CCDC85A: variants seen among roughly 807,000 people sequenced by gnomAD.
CCDC85A encodes the protein coiled-coil domain containing 85A, also known as coiled-coil domain-containing protein 85A.
Under a neutral mutation model 50.2 loss-of-function variants are expected in CCDC85A, and 38 were observed. That is an observed-to-expected ratio of 0.76 (90% CI 0.58 to 0.99). The LOEUF is 0.99. Among genes scored for constraint, CCDC85A ranks in the 50% least tolerant of loss-of-function variants. The pLI is 0.00. For synonymous variants in CCDC85A, 366 were observed against 301.4 expected, an observed-to-expected ratio of 1.21 and a Z score of -2.22; for missense variants, 820 against 742.0, an observed-to-expected ratio of 1.11 and a Z score of -1.22.
upstream of CCDC85A, chr2:56,183,974 C>T: frequency 1.0e-6 from 1 of 985,740 alleles, no homozygotes; most frequent in South Asian, 4.7e-5. Context: ...TCCAGCCGGT[C>T]CCCCACCCTC....
intron 2 of CCDC85A, among the ~76,000 whole-genome samples, chr2:56,324,276 T>G (rs28741029): frequency 0.17 from 26,045 of 151,888 alleles, 2,454 homozygotes; most frequent in Admixed American, 0.24. Flanking sequence ...TTTATGGACA[T>G]TTCTGTTAGC....
intron 2 of CCDC85A, among the ~76,000 whole-genome samples, chr2:56,328,834 A>G (rs989611952): frequency 9.9e-5 from 15 of 152,052 alleles, no homozygotes; most frequent in Non-Finnish European, 1.9e-4. Context: ...CACAACCCAC[A>G]GTCATCTCTC....
At chr2:56,377,929 A>C (rs1573374087) in intron 5 of CCDC85A, among the ~76,000 whole-genome samples, 1 of 151,586 alleles carries the variant, frequency 6.6e-6, no homozygotes, top group East Asian at 1.9e-4. Context: ...AGAGAGGGAG[A>C]TTTTATGTTA....
intron 2 of CCDC85A, among the ~76,000 whole-genome samples, chr2:56,269,661 C>T (rs1045381725): frequency 7.9e-5 from 12 of 152,186 alleles, no homozygotes; most frequent in African/African-American, 2.9e-4. Context: ...TGTCGTAAGT[C>T]AAGCATATGC....
intron 2 of CCDC85A, among the ~76,000 whole-genome samples, chr2:56,309,990 G>A (rs1672616096): frequency 6.6e-6 from 1 of 152,062 alleles, no homozygotes; most frequent in South Asian, 2.1e-4. Flanking sequence ...ATTTGCACAA[G>A]GCCCTGGAGG....
At chr2:56,226,506 T>C (rs2103922799) in intron 2 of CCDC85A, among the ~76,000 whole-genome samples, 1 of 152,202 alleles carries the variant, frequency 6.6e-6, no homozygotes, top group South Asian at 2.1e-4. Context: ...AGCAACTATG[T>C]CATATTTTTT....
At chr2:56,342,680 A>T (rs939491675) in intron 2 of CCDC85A, among the ~76,000 whole-genome samples, 199 bp from the exon 3 acceptor site, 1 of 152,078 alleles carries the variant, frequency 6.6e-6, no homozygotes, top group East Asian at 1.9e-4. Context: ...ATATTTCTTA[A>T]CGTTGTAAAA....
At chr2:56,262,148 G>A (rs1375211779) in intron 2 of CCDC85A, among the ~76,000 whole-genome samples, 1 of 152,058 alleles carries the variant, frequency 6.6e-6, no homozygotes, top group Non-Finnish European at 1.5e-5. Flanking sequence ...AGAGGTCAGT[G>A]GGAAGATTCA....
At chr2:56,311,598 C>T (rs893709980) in intron 2 of CCDC85A, among the ~76,000 whole-genome samples, 1 of 151,992 alleles carries the variant, frequency 6.6e-6, no homozygotes, top group Non-Finnish European at 1.5e-5. Context: ...AGGTATATCT[C>T]CTAATGCTAT....
intron 2 of CCDC85A, among the ~76,000 whole-genome samples, chr2:56,310,470 G>T (rs1421289538): frequency 6.6e-6 from 1 of 152,084 alleles, no homozygotes; most frequent in Non-Finnish European, 1.5e-5. Flanking sequence ...ATTCTTTTTA[G>T]ACAAAATGGC....
chr2:56,380,364 C>T (rs72803079), intron 5 of CCDC85A, among the ~76,000 whole-genome samples: 13,078 of 151,954 alleles, frequency 0.086, 765 homozygotes, highest in Non-Finnish European at 0.13. Flanking sequence ...GACCCAAACT[C>T]AGAATATAGT....
At chr2:56,332,857 C>G (rs905222478) in intron 2 of CCDC85A, among the ~76,000 whole-genome samples, 3 of 152,160 alleles carry the variant, frequency 2.0e-5, no homozygotes, top group African/African-American at 7.2e-5. Flanking sequence ...AACGTCATTA[C>G]AGAATTGGAA....
chr2:56,203,389 T>C (rs1676825510), intron 2 of CCDC85A, among the ~76,000 whole-genome samples: 1 of 152,074 alleles, frequency 6.6e-6, no homozygotes, highest in African/African-American at 2.4e-5. Flanking sequence ...TGTATCTCTT[T>C]AGCACTTAAA....
At chr2:56,272,661 G>C (rs897567489) in intron 2 of CCDC85A, among the ~76,000 whole-genome samples, 6 of 152,160 alleles carry the variant, frequency 3.9e-5, no homozygotes, top group African/African-American at 1.4e-4. Flanking sequence ...CTACACAGAA[G>C]GTTCAGCACA....
chr2:56,183,892 C>G, upstream of CCDC85A: 1 of 985,382 alleles, frequency 1.0e-6, no homozygotes, highest in Non-Finnish European at 1.2e-6. Context: ...GGGCAGCGGT[C>G]GAGTGGCAGC....
At chr2:56,374,735 G>A (rs565101704) in intron 4 of CCDC85A, among the ~76,000 whole-genome samples, 8 of 152,328 alleles carry the variant, frequency 5.3e-5, no homozygotes, top group South Asian at 4.1e-4. Flanking sequence ...CTTAAGCCCC[G>A]GAGTTGAAGG....
chr2:56,336,264 C>T (rs1674069173), intron 2 of CCDC85A, among the ~76,000 whole-genome samples: 1 of 152,148 alleles, frequency 6.6e-6, no homozygotes, highest in Non-Finnish European at 1.5e-5. Context: ...AAGCAATTCT[C>T]CTGCCTCAGC....
At chr2:56,310,801 C>T (rs978188156) in intron 2 of CCDC85A, among the ~76,000 whole-genome samples, 2 of 152,132 alleles carry the variant, frequency 1.3e-5, no homozygotes, top group Non-Finnish European at 2.9e-5. Context: ...ACTGCACGTG[C>T]TTTTCAGAAA....
chr2:56,250,326 G>GTTTTA (rs1409863111), intron 2 of CCDC85A, among the ~76,000 whole-genome samples: 2 of 152,182 alleles, frequency 1.3e-5, no homozygotes, highest in East Asian at 3.8e-4. Context: ...CTGTAGTGGA[G>GTTTTA]TTTTACCCTT....
Sources: gnomAD v4.1 joint callset for allele counts (sites outside exome capture counted in the v4.1 genomes callset) on GRCh38, gnomAD v4.1.1 for gene constraint, MANE v1.5 for transcripts, NCBI Gene and HGNC (gene_info 2026-07-23, HGNC 2026-07-21) for gene names.